The following CDH12 variants were observed in gnomAD, a reference collection of about 807,000 sequenced individuals.
CDH12 encodes the protein cadherin-12.
CDH12 carries 41 observed loss-of-function variants against 74.1 expected under a neutral mutation model. The ratio of observed to expected loss-of-function variants is 0.55; its 90% CI spans 0.43 to 0.72. The LOEUF is 0.72. Ranked by LOEUF, CDH12 falls within the 30% of genes least tolerant of loss-of-function variation. The pLI, the probability that CDH12 is intolerant of heterozygous loss-of-function variation, is 0.00. For missense variants in CDH12, 945 were observed against 977.2 expected (o/e 0.97, Z 0.44); for synonymous variants, 399 against 355.0 (o/e 1.12, Z -1.39).
intron 1 of CDH12, among the ~76,000 whole-genome samples, chr5:22,685,091 T>A (rs886093828): frequency 6.6e-6 from 1 of 152,170 alleles, no homozygotes; most frequent in African/African-American, 2.4e-5. Context: ...TCATAGCCCA[T>A]CAGTTTTTGT....
chr5:21,886,546 T>C (rs1400143576), intron 6 of CDH12, among the ~76,000 whole-genome samples: 2 of 146,690 alleles, frequency 1.4e-5, no homozygotes, highest in Admixed American at 1.4e-4. Flanking sequence ...ATATAATATA[T>C]ATAAATATAT....
At chr5:21,755,551 G>C in intron 14 of CDH12, 40 bp downstream of exon 14, 1 of 1,582,154 alleles carries the variant, frequency 6.3e-7, no homozygotes, top group East Asian at 2.3e-5. Flanking sequence ...AAGGAAGAGA[G>C]AGCGAGAAAA....
chr5:22,103,242 C>T (rs554718805), intron 4 of CDH12, among the ~76,000 whole-genome samples: 5 of 152,154 alleles, frequency 3.3e-5, no homozygotes, highest in South Asian at 2.1e-4. Flanking sequence ...TTTATGATGA[C>T]GATGATGATG....
chr5:21,768,806 A>G (rs1193382101), intron 11 of CDH12, among the ~76,000 whole-genome samples: 2 of 152,152 alleles, frequency 1.3e-5, no homozygotes, highest in Middle Eastern at 3.4e-3. Flanking sequence ...TGATACGAAA[A>G]CCAATTAAAA....
intron 8 of CDH12, among the ~76,000 whole-genome samples, chr5:21,836,150 A>G (rs1021080384): frequency 7.9e-5 from 12 of 151,824 alleles, no homozygotes; most frequent in African/African-American, 2.9e-4. Context: ...GAATAATAAG[A>G]ATTTTTATAT....
intron 2 of CDH12, among the ~76,000 whole-genome samples, chr5:22,478,417 C>CAAAAAAAAAAAAA (rs34576542): frequency 1.1e-5 from 1 of 88,508 alleles, no homozygotes; most frequent in Non-Finnish European, 2.1e-5. Context: ...GACTCCGTCT[C>CAAAAAAAAAAAAA]AAAAAAAAAA....
chr5:22,668,732 T>C (rs907896408), intron 1 of CDH12, among the ~76,000 whole-genome samples: 1 of 152,212 alleles, frequency 6.6e-6, no homozygotes, highest in Non-Finnish European at 1.5e-5. Context: ...TACTGCCACA[T>C]TGGGGAATAA....
intron 3 of CDH12, among the ~76,000 whole-genome samples, chr5:22,273,760 G>T (rs1736506377): frequency 6.6e-6 from 1 of 150,802 alleles, no homozygotes; most frequent in African/African-American, 2.5e-5. Flanking sequence ...CCTTTTCTTT[G>T]AGTGAGGTGG....
chr5:22,749,165 C>A (rs1443957857), intron 1 of CDH12, among the ~76,000 whole-genome samples: 4 of 152,180 alleles, frequency 2.6e-5, no homozygotes, highest in South Asian at 2.1e-4. Context: ...TTGTAACGTG[C>A]AAGCAGAAGT....
chr5:22,747,689 A>T (rs748506412), intron 1 of CDH12, among the ~76,000 whole-genome samples: 4 of 151,702 alleles, frequency 2.6e-5, no homozygotes, highest in Non-Finnish European at 5.9e-5. Context: ...GTTGCATTTG[A>T]GTTCTTGTTG....
chr5:22,359,341 A>G (rs1740700172), intron 3 of CDH12, among the ~76,000 whole-genome samples: 1 of 152,220 alleles, frequency 6.6e-6, no homozygotes, highest in Non-Finnish European at 1.5e-5. Context: ...GAAGGCCATT[A>G]CATAATGGTA....
chr5:22,293,521 T>G (rs1019354430), intron 3 of CDH12, among the ~76,000 whole-genome samples: 7 of 152,184 alleles, frequency 4.6e-5, no homozygotes, highest in African/African-American at 1.7e-4. Context: ...TGCACTCTCA[T>G]TTTTATTGAA....
At chr5:21,938,980 T>C (rs1579991304) in intron 6 of CDH12, among the ~76,000 whole-genome samples, 2 of 150,704 alleles carry the variant, frequency 1.3e-5, no homozygotes, top group African/African-American at 2.4e-5. Flanking sequence ...AAGATGTATA[T>C]TGAAAGCTGT....
At chr5:21,798,780 C>T (rs1167176670) in intron 10 of CDH12, among the ~76,000 whole-genome samples, 1 of 152,116 alleles carries the variant, frequency 6.6e-6, no homozygotes, top group Non-Finnish European at 1.5e-5. Flanking sequence ...CATAACCTTT[C>T]CAGCTTTCAG....
intron 5 of CDH12, among the ~76,000 whole-genome samples, chr5:22,018,970 G>T (rs765666622): frequency 3.9e-4 from 60 of 152,068 alleles, no homozygotes; most frequent in South Asian, 8.3e-4. Context: ...TACTTGGGTG[G>T]AATTGCTTGA....
intron 5 of CDH12, among the ~76,000 whole-genome samples, chr5:22,012,203 C>T (rs1431152775): frequency 6.6e-6 from 1 of 151,872 alleles, no homozygotes; most frequent in Non-Finnish European, 1.5e-5. Context: ...CTGCAATGTA[C>T]AATGACATGC....
At chr5:22,625,867 T>C (rs1451523058) in intron 1 of CDH12, among the ~76,000 whole-genome samples, 1 of 152,064 alleles carries the variant, frequency 6.6e-6, no homozygotes, top group Non-Finnish European at 1.5e-5. Context: ...CCCCCCACAG[T>C]AGCCTTCCCC....
chr5:21,946,510 A>C (rs934909257), intron 6 of CDH12, among the ~76,000 whole-genome samples: 10 of 152,150 alleles, frequency 6.6e-5, no homozygotes, highest in African/African-American at 2.2e-4. Context: ...TATGGAAACA[A>C]GTTTTCTACA....
intron 10 of CDH12, among the ~76,000 whole-genome samples, chr5:21,786,729 T>C (rs929942967): frequency 1.3e-5 from 2 of 152,226 alleles, no homozygotes; most frequent in African/African-American, 2.4e-5. Flanking sequence ...ATGATGATTC[T>C]TGACAAAGTA....
Sources: allele counts gnomAD v4.1 joint callset (sites outside exome capture counted in the v4.1 genomes callset), GRCh38; gene constraint gnomAD v4.1.1; transcripts MANE v1.5; gene names NCBI Gene and HGNC (gene_info 2026-07-23, HGNC 2026-07-21).